The following PLAU variants were observed in gnomAD, a reference collection of about 807,000 sequenced individuals.
PLAU encodes the protein plasminogen activator, urokinase.
PLAU carries 32 observed loss-of-function variants against 48.9 expected under a neutral mutation model. The ratio of observed to expected loss-of-function variants is 0.65; its 90% CI spans 0.49 to 0.88. PLAU has a LOEUF of 0.88. Ranked by LOEUF, PLAU falls within the 40% of genes least tolerant of loss-of-function variation. PLAU has a pLI of 0.00. For missense variants in PLAU, 455 were observed against 545.2 expected (o/e 0.83, Z 1.65); for synonymous variants, 199 against 205.7 (o/e 0.97, Z 0.28).
rs1318901922 is a variant in PLAU at position 73,913,632 on chromosome 10, C to T, written c.554C>T (p.Thr185Ile). The T allele has an allele frequency of 2.4e-5, 38 of 1,613,826 alleles. No homozygotes were observed. Among genetic ancestry groups the T allele is most frequent in the Non-Finnish European group, 3.1e-5 (36 of 1,179,882 alleles). ...PRFKIIGGEF[T>I]TIENQPWFAA... The stretch of plus-strand genomic sequence containing the variant: ...TTTAAGATTATTGGGGGAGAATTCA[C>T]CACCATCGAGAACCAGCCCTGGTTT... The change falls in exon 7 of 11, where the codon ACC becomes ATC. Residue 185 changes from threonine to isoleucine, a missense_variant. By Grantham distance (89) the Thr-to-Ile change is moderately conservative. Coordinates refer to ENST00000372764, the MANE Select transcript of PLAU (RefSeq NM_002658.6).
chr10:73,915,020 A>C, intron 9 of PLAU, 104 bp downstream of exon 9: 7 of 1,322,300 alleles, frequency 5.3e-6, no homozygotes, highest in Non-Finnish European at 2.1e-6. Context: ...AGGTGGGAGC[A>C]CTGAGGCGGT....
rs549007112 is a variant in PLAU at position 73,912,815 on chromosome 10, C to T, written c.194-109C>T. The T allele has an allele frequency of 5.3e-4, 416 of 785,008 alleles. 5 individuals are homozygous for T. Among genetic ancestry groups the T allele is most frequent in the South Asian group, 3.6e-3 (198 of 55,126 alleles). The allele number at this position is 785,008 out of a possible 1,614,324, so 48.6% of individuals were successfully genotyped here. ...TCAGTGAGCTGAGATCACACCACTG[C>T]ACTCCAACTGGGCGACAGAGCAAGA... On this transcript the variant is annotated intron_variant, in intron 4 of 10. Transcript: ENST00000372764.
intron 10 of PLAU, 45 bp downstream of exon 10, chr10:73,915,444 A>T (rs201834187): frequency 6.5e-7 from 1 of 1,544,234 alleles, no homozygotes; most frequent in Non-Finnish European, 8.8e-7. Flanking sequence ...ATATCTCCCC[A>T]GAGCTCCTGG....
At position 73,916,817 on chromosome 10, in the gene PLAU, G is replaced by A; in HGVS notation, c.*252G>A. 1 of 471,956 alleles carries A rather than the reference G, an allele frequency of 2.1e-6. No homozygotes were observed. The highest frequency in any genetic ancestry group is 3.5e-5 in the East Asian group (1 of 28,500). The allele number at this position is 471,956 out of a possible 1,614,324, so 29.2% of individuals were successfully genotyped here. ...TCAACATGTTACTGACCAGCAACTT[G>A]TCTTTTTCTGGACTGAAGCCTGCAG... is the stretch of plus-strand genomic sequence containing the variant. On this transcript the variant is annotated 3_prime_UTR_variant, in exon 11 of 11. Coordinates refer to ENST00000372764, the MANE Select transcript of PLAU (RefSeq NM_002658.6).
rs567586364 is a variant in PLAU at position 73,914,237 on chromosome 10, G to C, written c.829+109G>C. The C allele has an allele frequency of 8.7e-4, 963 of 1,101,750 alleles. 4 individuals are homozygous for C. The highest frequency in any genetic ancestry group is 1.0e-3 in the Non-Finnish European group (787 of 755,800). The allele number at this position is 1,101,750 out of a possible 1,614,324, so 68.2% of individuals were successfully genotyped here. ...CTGCCCGGTGGGGCAGGGGTGGGGC[G>C]AGGGACCTTGAAGCCTCGATATACA... is the stretch of plus-strand genomic sequence containing the variant. On this transcript the variant is annotated intron_variant, in intron 8 of 10. Transcript: ENST00000372764.
At position 73,912,911 on chromosome 10, in the gene PLAU, TG is replaced by T. The variant is rs2096127579; in HGVS notation, c.194-12del. On this transcript the variant is annotated splice_polypyrimidine_tract_variant and intron_variant, in intron 4 of 10. Coordinates refer to ENST00000372764, the MANE Select transcript of PLAU (RefSeq NM_002658.6). ...TCTTTCTCATATTCTCTCATCCTCCTGTCCCCTTGTAGATAAGTCAAAAACC... is the reference window on the plus strand; with the variant it reads ...TCTTTCTCATATTCTCTCATCCTCCTTCCCCTTGTAGATAAGTCAAAAACC... 4 of 1,585,500 alleles carry T rather than the reference TG, an allele frequency of 2.5e-6. No homozygotes were observed. In the African/African-American group the frequency reaches 5.4e-5, roughly 22 times the overall value.
At position 73,913,244 on chromosome 10, in the gene PLAU, G is replaced by C. The variant is rs182400061; in HGVS notation, c.369-46G>C. The stretch of plus-strand genomic sequence containing the variant: ...TTCCCTGAGGGGAGGAGGCAGGGAA[G>C]GCCCTCTGGGTTGGAATGACATCCC... On this transcript the variant is annotated intron_variant, in intron 5 of 10. Transcript: ENST00000372764. The C allele has an allele frequency of 1.0e-5, 16 of 1,599,786 alleles. No homozygotes were observed. In the East Asian group the frequency reaches 3.3e-4, roughly 33 times the overall value.
In PLAU at chr10:73,915,290, T is replaced by A; in HGVS notation, c.1010T>A (p.Val337Glu). The part of the protein sequence containing the change: ...LYPEQLKMTV[V>E]KLISHRECQQ... ...CCGGAGCAGCTGAAAATGACTGTTG[T>A]GAAGCTGATTTCCCACCGGGAGTGT... is the stretch of plus-strand genomic sequence containing the variant. Residue 337 changes from valine (V) to glutamate (E), a missense_variant, in exon 10 of 11, where the codon GTG becomes GAG. Transcript: ENST00000372764. 1 of 1,614,094 alleles carries A rather than the reference T, an allele frequency of 6.2e-7. No individual in the cohort carries two copies. Among genetic ancestry groups the A allele is most frequent in the Non-Finnish European group, 8.5e-7 (1 of 1,179,990 alleles).
At chr10:73,913,919 G>T (rs1297562060) in intron 7 of PLAU, 61 bp from the exon 8 acceptor site, 2 of 1,542,730 alleles carry the variant, frequency 1.3e-6, no homozygotes, top group African/African-American at 2.7e-5. Flanking sequence ...CTCTAGGGAG[G>T]GAAGGAAGAA....
intron 4 of PLAU, among the ~76,000 whole-genome samples, chr10:73,912,614 G>A (rs56009862): frequency 0.019 from 2,166 of 111,316 alleles, 17 homozygotes; most frequent in Non-Finnish European, 0.038. Context: ...ATTTTGAGAG[G>A]TCAAGGTGAG....
chr10:73,910,572 C>T (rs930599699), upstream of PLAU: 5 of 152,240 alleles, frequency 3.3e-5, no homozygotes, highest in African/African-American at 1.2e-4. Flanking sequence ...TTGTTCCATC[C>T]ACTGGTTGTG....
rs757448093 is a variant in PLAU, at chr10:73,913,687, C to T, written c.609C>T (p.Gly203=). 1.2e-6 allele frequency: 2 copies of T among 1,613,528 alleles called. No homozygotes were observed. Among genetic ancestry groups the T allele is most frequent in the Admixed American group, 1.7e-5 (1 of 59,938 alleles). The change falls in exon 7 of 11, where the codon GGC becomes GGT. Residue 203 remains glycine (G), a synonymous_variant. Coordinates refer to ENST00000372764, the MANE Select transcript of PLAU (RefSeq NM_002658.6). ...FAAIYRRHRG[G]SVTYVCGGSL... The stretch of plus-strand genomic sequence containing the variant: ...CCATCTACAGGAGGCACCGGGGGGG[C>T]TCTGTCACCTACGTGTGTGGAGGCA...
At position 73,914,122 on chromosome 10, in the gene PLAU, G is replaced by A. The variant is rs1243306395; in HGVS notation, c.823G>A (p.Asp275Asn). 6.2e-7 allele frequency: 1 copy of A among 1,614,004 alleles called. No homozygotes were observed. The highest frequency in any genetic ancestry group is 8.5e-7 in the Non-Finnish European group (1 of 1,179,964). ...CGCTGACACGCTTGCTCACCACAACGACATTGGTGAGGGGGAACCCCGCGA... is the reference window on the plus strand; with the variant it reads ...CGCTGACACGCTTGCTCACCACAACAACATTGGTGAGGGGGAACCCCGCGA... Reference protein sequence around the residue: ...YSADTLAHHNDIALLKIRSKE... With the variant: ...YSADTLAHHNNIALLKIRSKE... The change falls in exon 8 of 11, where the codon GAC becomes AAC. Residue 275 changes from aspartate to asparagine, a missense_variant. Asp to Asn is a conservative substitution (Grantham distance 23). Coordinates refer to ENST00000372764, the MANE Select transcript of PLAU (RefSeq NM_002658.6).
Position 73,915,375 on chromosome 10 carries a change from A to C in PLAU, c.1095A>C (p.Pro365=). ...CCAAAATGCTGTGTGCTGCTGACCCACAGTGGAAAACAGATTCCTGCCAGG... is the reference window on the plus strand; with the variant it reads ...CCAAAATGCTGTGTGCTGCTGACCCCCAGTGGAAAACAGATTCCTGCCAGG... ...VTTKMLCAAD[P]QWKTDSCQGD... Residue 365 remains proline, a synonymous_variant, in exon 10 of 11, where the codon CCA becomes CCC. Transcript: ENST00000372764. 6.2e-7 allele frequency: 1 copy of C among 1,608,882 alleles called. No homozygotes were observed. The highest frequency in any genetic ancestry group is 8.5e-7 in the Non-Finnish European group (1 of 1,177,658).
intron 10 of PLAU, among the ~76,000 whole-genome samples, chr10:73,915,690 C>G (rs1216967634): frequency 6.6e-6 from 1 of 151,978 alleles, no homozygotes; most frequent in African/African-American, 2.4e-5. Context: ...TATAAATGAT[C>G]AGGTGTTCAG....
Position 73,912,946 on chromosome 10 carries a change from G to C in PLAU, c.216G>C (p.Glu72Asp). The C allele has an allele frequency of 6.2e-7, 1 of 1,613,442 alleles. No individual in the cohort carries two copies. Among genetic ancestry groups the C allele is most frequent in the Non-Finnish European group, 8.5e-7 (1 of 1,179,710 alleles). The change falls in exon 5 of 11, where the codon GAG becomes GAC. Residue 72 changes from glutamate (E) to aspartate (D), a missense_variant. Physicochemically the swap from Glu to Asp is conservative, Grantham distance 45. Transcript: ENST00000372764. ...TAGATAAGTCAAAAACCTGCTATGA[G>C]GGGAATGGTCACTTTTACCGAGGAA... is the stretch of plus-strand genomic sequence containing the variant. ...CEIDKSKTCY[E>D]GNGHFYRGKA...
At chr10:73,913,198 A>C (rs2096128481) in intron 5 of PLAU, 92 bp from the exon 6 acceptor site, 1 of 1,572,010 alleles carries the variant, frequency 6.4e-7, no homozygotes, top group African/African-American at 1.3e-5. Flanking sequence ...GCACAAGAGA[A>C]GTGCGGCCTC....
At chr10:73,915,106 G>C (rs1023391659) in intron 9 of PLAU, 145 bp from the exon 10 acceptor site, 1 of 1,015,002 alleles carries the variant, frequency 9.9e-7, no homozygotes, top group Non-Finnish European at 1.5e-6. Flanking sequence ...GATGGTAGGG[G>C]CTATAGGTGG....
intron 8 of PLAU, 149 bp downstream of exon 8, chr10:73,914,277 G>C: frequency 1.4e-6 from 1 of 717,638 alleles, no homozygotes; most frequent in Non-Finnish European, 2.3e-6. Context: ...AAAGGGAGTG[G>C]CAGGGAAGAG....
Sources: gnomAD v4.1 joint callset for allele counts (sites outside exome capture counted in the v4.1 genomes callset) on GRCh38, gnomAD v4.1.1 for gene constraint, MANE v1.5 for transcripts, NCBI Gene and HGNC (gene_info 2026-07-23, HGNC 2026-07-21) for gene names.